Variants in STOX2 observed in about 807,000 individuals in gnomAD.
STOX2 encodes the protein storkhead-box protein 2.
A neutral mutation model predicts 60.9 loss-of-function variants in STOX2; 28 were observed. The ratio of observed to expected loss-of-function variants is 0.46; its 90% confidence interval spans 0.34 to 0.63. The LOEUF is 0.63. STOX2 is among the 30% of genes least tolerant of loss of function. The pLI is 0.01. For missense variants in STOX2, 1,024 were observed against 1,187.7 expected, an observed-to-expected ratio of 0.86 and a Z score of 2.03; for synonymous variants, 472 against 463.9, an observed-to-expected ratio of 1.02 and a Z score of -0.22.
At chr4:183,968,406 T>G (rs1014125047) in intron 1 of STOX2, among the ~76,000 whole-genome samples, 1 of 151,228 alleles carries the variant, frequency 6.6e-6, no homozygotes, top group Non-Finnish European at 1.5e-5. Context: ...AAAGACAATT[T>G]TTTGATCAAG....
rs1187988949 is a variant in STOX2 at position 184,010,872 on chromosome 4, A to G, written c.2034A>G (p.Gly678=). 6.2e-7 allele frequency: 1 copy of G among 1,610,504 alleles called. No individual in the cohort carries two copies. The highest frequency in any genetic ancestry group is 1.1e-5 in the South Asian group (1 of 90,404). Residue 678 remains glycine, a synonymous_variant, in exon 3 of 4, where the codon GGA becomes GGG. Transcript: ENST00000308497. The surrounding 1 kb of genome is among the most constrained non-coding windows in gnomAD (Gnocchi z 4.5). Reference sequence around the variant, plus strand: ...GAGTGGCTGAAGGGATCGCCAACGGACGCCTCGTCCAGCACCATGGTGCCG... The same window carrying G: ...GAGTGGCTGAAGGGATCGCCAACGGGCGCCTCGTCCAGCACCATGGTGCCG... ...SGGVAEGIAN[G]RLVQHHGAEP...
chr4:183,903,564 G>C (rs61245007), upstream of STOX2, among the ~76,000 whole-genome samples: 3 of 152,290 alleles, frequency 2.0e-5, no homozygotes, highest in East Asian at 5.8e-4. Context: ...CAGGGCTTGC[G>C]TATTCTAGAC....
chr4:183,822,027 A>G (rs1579302683), intron 1 of STOX2, among the ~76,000 whole-genome samples: 1 of 152,090 alleles, frequency 6.6e-6, no homozygotes, highest in East Asian at 1.9e-4. Context: ...GGTCTCTGGG[A>G]TTTGCCCTCC....
chr4:183,798,024 G>A, exon 1 of STOX2: 2 of 1,230,220 alleles, frequency 1.6e-6, no homozygotes, highest in Non-Finnish European at 2.0e-6. Context: ...GGGCCCTGCG[G>A]CCGCCCTCGG....
intron 1 of STOX2, among the ~76,000 whole-genome samples, chr4:183,916,827 C>T (rs74839588): frequency 0.011 from 1,652 of 152,274 alleles, 24 homozygotes; most frequent in African/African-American, 0.038. Context: ...CTTTCCAGAA[C>T]GCTTTTGTTT....
chr4:183,973,794 G>C (rs1160839411), intron 1 of STOX2, among the ~76,000 whole-genome samples: 1 of 152,202 alleles, frequency 6.6e-6, no homozygotes, highest in African/African-American at 2.4e-5. Flanking sequence ...AAGAGATCGA[G>C]ACCATCCTGG....
At chr4:183,826,121 C>A (rs1423983026) in intron 1 of STOX2, among the ~76,000 whole-genome samples, 1 of 152,142 alleles carries the variant, frequency 6.6e-6, no homozygotes, top group Non-Finnish European at 1.5e-5. Flanking sequence ...AGGAGTGGGG[C>A]TGGGGACCTG....
At chr4:183,801,755 C>T (rs370884381) in intron 1 of STOX2, among the ~76,000 whole-genome samples, 4 of 151,954 alleles carry the variant, frequency 2.6e-5, no homozygotes, top group African/African-American at 9.7e-5. Context: ...GGTGATAAGA[C>T]AATGGAAAGG....
intron 1 of STOX2, among the ~76,000 whole-genome samples, chr4:183,862,665 C>G (rs977404543): frequency 3.9e-5 from 6 of 152,164 alleles, no homozygotes; most frequent in Admixed American, 1.3e-4. Flanking sequence ...AGAAGCCATG[C>G]GAGAGTCGGC....
intron 1 of STOX2, among the ~76,000 whole-genome samples, chr4:183,844,339 C>T (rs547215558): frequency 6.6e-6 from 1 of 152,294 alleles, no homozygotes; most frequent in African/African-American, 2.4e-5. Context: ...GGTTGCCTGA[C>T]ATTTGTAGCT....
intron 1 of STOX2, among the ~76,000 whole-genome samples, chr4:183,822,982 G>A (rs10033387): frequency 0.89 from 135,885 of 152,238 alleles, 62,662 homozygotes; most frequent in Non-Finnish European, 1. Context: ...TCCTGTGTCC[G>A]ACCCATCTGC....
intron 1 of STOX2, among the ~76,000 whole-genome samples, chr4:183,808,278 C>A (rs1738953927): frequency 6.6e-6 from 1 of 152,234 alleles, no homozygotes; most frequent in Non-Finnish European, 1.5e-5. Flanking sequence ...TCATTCCAAT[C>A]CTCGCCTGAC....
At chr4:183,846,289 A>G (rs1579328369) in intron 1 of STOX2, among the ~76,000 whole-genome samples, 1 of 152,162 alleles carries the variant, frequency 6.6e-6, no homozygotes, top group Non-Finnish European at 1.5e-5. Flanking sequence ...GTGTGAATTT[A>G]TCATGCTTGG....
intron 1 of STOX2, among the ~76,000 whole-genome samples, chr4:183,845,886 G>A (rs1240753302): frequency 6.6e-6 from 1 of 152,156 alleles, no homozygotes; most frequent in Non-Finnish European, 1.5e-5. Flanking sequence ...CTTATGTAGT[G>A]TACTTATAAT....
intron 1 of STOX2, among the ~76,000 whole-genome samples, chr4:183,953,084 T>C (rs1250122538): frequency 1.3e-5 from 2 of 152,026 alleles, no homozygotes; most frequent in African/African-American, 4.8e-5. Flanking sequence ...AAATACCTAA[T>C]GTAGATGATG....
chr4:183,832,573 C>A (rs991095612), intron 1 of STOX2, among the ~76,000 whole-genome samples: 1 of 143,020 alleles, frequency 7.0e-6, no homozygotes, highest in East Asian at 2.2e-4. Flanking sequence ...TCACTGCAAT[C>A]TCTGCCTCCT....
chr4:183,906,986 G>A (rs1374908631), intron 1 of STOX2, 30 bp downstream of exon 1: 3 of 1,499,900 alleles, frequency 2.0e-6, no homozygotes, highest in South Asian at 1.3e-5. Context: ...TCTGCCCCCG[G>A]GCCGGGGCCG....
Position 183,980,066 on chromosome 4 carries a change from G to T in STOX2, c.167-21259G>T, listed in dbSNP as rs79762659. 7.8e-4 allele frequency among the ~76,000 whole-genome samples: 119 copies of T among 152,234 alleles called. No individual in the cohort carries two copies. The East Asian group carries it at 0.02, about 25-fold the overall frequency. On this transcript the variant is annotated intron_variant, in intron 1 of 3. Coordinates refer to ENST00000308497, the MANE Select transcript of STOX2 (RefSeq NM_020225.3). ...ATATAGATAATTGTATAATCACTGT[G>T]ATCTTAGAAAACAAATTATGTTATT... is the stretch of plus-strand genomic sequence containing the variant.
intron 1 of STOX2, among the ~76,000 whole-genome samples, chr4:183,950,951 C>T (rs534751800): frequency 5.2e-4 from 79 of 152,152 alleles, no homozygotes; most frequent in African/African-American, 1.7e-3. Flanking sequence ...CGCGGTGGCT[C>T]ACGCCTGTAA....
Sources: allele counts gnomAD v4.1 joint callset (sites outside exome capture counted in the v4.1 genomes callset), GRCh38; gene constraint gnomAD v4.1.1; non-coding constraint Gnocchi (gnomAD v3.1); transcripts MANE v1.5; gene names NCBI Gene and HGNC (gene_info 2026-07-23, HGNC 2026-07-21).